PLXNB2: variants seen among roughly 807,000 people sequenced by gnomAD.
The protein encoded by PLXNB2 is plexin-B2.
In PLXNB2, 85 loss-of-function variants were observed where a neutral mutation model predicts 202.6. The ratio of observed to expected loss-of-function variants is 0.42; its 90% CI spans 0.35 to 0.50. PLXNB2 has a LOEUF of 0.50. PLXNB2 is among the 20% of genes least tolerant of loss of function. The pLI, the probability that PLXNB2 is intolerant of heterozygous loss-of-function variation, is 0.02. For missense variants in PLXNB2, 2,063 were observed against 2,586.2 expected, an observed-to-expected ratio of 0.80 and a Z score of 4.39; for synonymous variants, 1,239 against 1,137.6, an observed-to-expected ratio of 1.09 and a Z score of -1.79.
chr22:50,284,777 C>A lies in PLXNB2; in HGVS notation c.2089-112G>T, dbSNP rs2066296637. The A allele has an allele frequency of 1.2e-6, 1 of 830,530 alleles. No individual in the cohort carries two copies. The highest frequency in any genetic ancestry group is 2.4e-5 in the East Asian group (1 of 41,044). The allele number at this position is 830,530 out of a possible 1,614,324, so 51.4% of individuals were successfully genotyped here. ...CTACAGTGTGGGAGCCCTCTCCTCACCCCACACATGCCCGCCCCTCAGATT... is the reference window on the plus strand; with the variant it reads ...CTACAGTGTGGGAGCCCTCTCCTCAACCCACACATGCCCGCCCCTCAGATT... On this transcript the variant is annotated intron_variant, in intron 11 of 36. Transcript: ENST00000359337. This position sits in a 1 kb window ranked among gnomAD's most constrained non-coding sequence, Gnocchi z 8.0.
chr22:50,299,217 G>C (rs1030136720), intron 1 of PLXNB2, among the ~76,000 whole-genome samples: 2 of 152,030 alleles, frequency 1.3e-5, no homozygotes, highest in Non-Finnish European at 2.9e-5. Context: ...CTAGGACATG[G>C]GCGGTGGAGA....
chr22:50,290,201 G>A lies in PLXNB2; in HGVS notation c.384C>T (p.Ile128=). The change falls in exon 3 of 37, where the codon ATC becomes ATT. Residue 128 remains isoleucine, a synonymous_variant. Coordinates refer to ENST00000359337, the MANE Select transcript of PLXNB2 (RefSeq NM_012401.4). The part of the protein sequence containing the change: ...GICALRALSN[I]SLRLFYEDGS... ...CGTCCTCGTAGAACAGGCGGAGGGAGATGTTGCTCAGGGCGCGCAGAGCGC... is the reference window on the plus strand; with the variant it reads ...CGTCCTCGTAGAACAGGCGGAGGGAAATGTTGCTCAGGGCGCGCAGAGCGC... The A allele has an allele frequency of 1.2e-6, 2 of 1,612,604 alleles. No individual in the cohort carries two copies. Among genetic ancestry groups the A allele is most frequent in the Non-Finnish European group, 8.5e-7 (1 of 1,180,012 alleles).
rs1208296247 is a variant in PLXNB2, at chr22:50,282,684, AGGGG to A, written c.2987+23_2987+26del. On this transcript the variant is annotated intron_variant, in intron 18 of 36. Coordinates refer to ENST00000359337, the MANE Select transcript of PLXNB2 (RefSeq NM_012401.4). Reference sequence around the variant, plus strand: ...GGAGGCAGCTGGGTGTGGGGAGCAGAGGGGGGCGGGGGGACACCAGCCTCACCTG... The same window carrying A: ...GGAGGCAGCTGGGTGTGGGGAGCAGAGGCGGGGGGACACCAGCCTCACCTG... The A allele has an allele frequency of 2.6e-6, 4 of 1,524,534 alleles. No individual in the cohort carries two copies. In the Admixed American group the frequency reaches 7.2e-5, roughly 28 times the overall value. 94.4% of individuals were successfully genotyped at this position (1,524,534 alleles called of 1,614,324 possible).
intron 2 of PLXNB2, among the ~76,000 whole-genome samples, chr22:50,292,089 G>A (rs1018588203): frequency 6.6e-6 from 1 of 152,172 alleles, no homozygotes; most frequent in Non-Finnish European, 1.5e-5. Context: ...TGTAATCCCA[G>A]CACCTTGGGA....
Position 50,281,911 on chromosome 22 carries a change from G to C in PLXNB2, c.3288C>G (p.Thr1096=), listed in dbSNP as rs2066021500. The stretch of plus-strand genomic sequence containing the variant: ...TGACGCCACCTGTGAAGTTCTCAAA[G>C]GTGGGGTCAGGCACGTACTCGAAGG... ...AGAFEYVPDP[T]FENFTGGVKK... is the part of the protein sequence containing the mutation. Residue 1096 remains threonine, a synonymous_variant, in exon 20 of 37, where the codon ACC becomes ACG. Coordinates refer to ENST00000359337, the MANE Select transcript of PLXNB2 (RefSeq NM_012401.4). The C allele has an allele frequency of 6.2e-7, 1 of 1,613,018 alleles. No homozygotes were observed. Among genetic ancestry groups the C allele is most frequent in the Non-Finnish European group, 8.5e-7 (1 of 1,180,016 alleles).
chr22:50,283,104 T>G lies in PLXNB2; in HGVS notation c.2762A>C (p.Asp921Ala). The change falls in exon 17 of 37, where the codon GAC (aspartate) becomes GCC (alanine). Residue 921 changes from aspartate (D) to alanine (A), a missense_variant. Coordinates refer to ENST00000359337, the MANE Select transcript of PLXNB2 (RefSeq NM_012401.4). ...CCGCACGTCCTCCTGGGAGCCCGTG[T>G]CCAGGTGGGTGCCGTGGATGGTCAG... Reference protein sequence around the residue: ...TTLTIHGTHLDTGSQEDVRVT... With the variant: ...TTLTIHGTHLATGSQEDVRVT... The G allele has an allele frequency of 6.2e-7, 1 of 1,605,808 alleles. No homozygotes were observed. Among genetic ancestry groups the G allele is most frequent in the Non-Finnish European group, 8.5e-7 (1 of 1,176,938 alleles).
Position 50,287,248 on chromosome 22 carries a change from C to A in PLXNB2, c.1625G>T (p.Ser542Ile). Reference sequence around the variant, plus strand: ...CTCCTCGCTCAGGGCAGGGAGGGGGCTGACGGTCAGCTGCACCTGAGGGAG... The same window carrying A: ...CTCCTCGCTCAGGGCAGGGAGGGGGATGACGGTCAGCTGCACCTGAGGGAG... ...RAQGEVQLTV[S>I]PLPALSEEDE... is the part of the protein sequence containing the mutation. Residue 542 changes from serine to isoleucine, a missense_variant, in exon 8 of 37, where the codon AGC becomes ATC. Ser to Ile is a moderately radical substitution (Grantham distance 142). Transcript: ENST00000359337. The A allele has an allele frequency of 6.5e-7, 1 of 1,528,022 alleles. No homozygotes were observed. The highest frequency in any genetic ancestry group is 2.1e-5 in the Admixed American group (1 of 48,222). 94.7% of individuals were successfully genotyped at this position (1,528,022 alleles called of 1,614,324 possible).
chr22:50,292,745 C>T (rs1005887869), intron 2 of PLXNB2, among the ~76,000 whole-genome samples: 5 of 152,176 alleles, frequency 3.3e-5, no homozygotes, highest in South Asian at 4.1e-4. Context: ...GGCAACCCCC[C>T]GTTCTGATTG....
chr22:50,290,141 A>G lies in PLXNB2; in HGVS notation c.444T>C (p.Asp148=), dbSNP rs750875953. ...CCAGCCCCACTGTGGCCACGCCCTCATCATTGCTGGCCACGAAAGACTTCT... is the reference window on the plus strand; with the variant it reads ...CCAGCCCCACTGTGGCCACGCCCTCGTCATTGCTGGCCACGAAAGACTTCT... ...SGEKSFVASN[D]EGVATVGLVS... is the part of the protein sequence containing the mutation. The change falls in exon 3 of 37, where the codon GAT becomes GAC. Residue 148 remains aspartate, a synonymous_variant. Transcript: ENST00000359337. 1 of 1,613,018 alleles carries G rather than the reference A, an allele frequency of 6.2e-7. No individual in the cohort carries two copies. The highest frequency in any genetic ancestry group is 1.1e-5 in the South Asian group (1 of 91,084).
At chr22:50,307,008 T>C (rs1161543665) in intron 1 of PLXNB2, among the ~76,000 whole-genome samples, 2 of 151,916 alleles carry the variant, frequency 1.3e-5, no homozygotes, top group African/African-American at 4.8e-5. Flanking sequence ...TTCTGAGACT[T>C]TCTGTGTCTC....
chr22:50,286,184 C>T lies in PLXNB2; in HGVS notation c.1866G>A (p.Glu622=). The T allele has an allele frequency of 6.2e-7, 1 of 1,613,014 alleles. No individual in the cohort carries two copies. Among genetic ancestry groups the T allele is most frequent in the South Asian group, 1.1e-5 (1 of 91,084 alleles). ...CACAAGACACTCACGGCAGGTTCTC[C>T]TCCAGGCTCATGGCCTGGCGGCAGT... ...FYDCRQAMSL[E]ENLPCISCVS... Residue 622 remains glutamate, a synonymous_variant, in exon 9 of 37, where the codon GAG becomes GAA. Transcript: ENST00000359337.
At chr22:50,276,290 G>A (rs1339799224) in intron 35 of PLXNB2, among the ~76,000 whole-genome samples, 20 of 144,110 alleles carry the variant, frequency 1.4e-4, no homozygotes, top group African/African-American at 1.8e-4. Context: ...CCGCAGGGAG[G>A]GGGCGCTGTG....
chr22:50,280,457 G>A (rs749807921), intron 25 of PLXNB2, 32 bp downstream of exon 25: 72 of 1,569,372 alleles, frequency 4.6e-5, no homozygotes, highest in South Asian at 1.9e-4. Context: ...CGCCCCGCCC[G>A]TGGCCCCGCT....
At position 50,281,441 on chromosome 22, in the gene PLXNB2, C is replaced by T; in HGVS notation, c.3581G>A (p.Ser1194Asn). 1 of 1,612,506 alleles carries T rather than the reference C, an allele frequency of 6.2e-7. No homozygotes were observed. Among genetic ancestry groups the T allele is most frequent in the East Asian group, 2.2e-5 (1 of 44,858 alleles). ...CAAGATGAGGCTGAGCGGCACGTCGCTCACCCGTGTGTCGTACTCCACGCG... is the reference window on the plus strand; with the variant it reads ...CAAGATGAGGCTGAGCGGCACGTCGTTCACCCGTGTGTCGTACTCCACGCG... ...LGRVEYDTRV[S>N]DVPLSLILPL... The change falls in exon 22 of 37, where the codon AGC (serine) becomes AAC (asparagine). Residue 1194 changes from serine (S) to asparagine (N), a missense_variant. Around this residue, in one of 2 missense-constraint regions of PLXNB2, gnomAD observed 760 missense variants for 1,109.4 expected, o/e 0.69. Coordinates refer to ENST00000359337, the MANE Select transcript of PLXNB2 (RefSeq NM_012401.4).
chr22:50,300,827 C>G (rs907456528), intron 1 of PLXNB2, among the ~76,000 whole-genome samples: 11 of 152,178 alleles, frequency 7.2e-5, no homozygotes, highest in Admixed American at 5.9e-4. Context: ...CATGAAGCCC[C>G]AGCTCCTCCT....
chr22:50,277,779 G>A (rs752702628), intron 32 of PLXNB2, 41 bp from the exon 33 acceptor site: 43 of 1,596,866 alleles, frequency 2.7e-5, no homozygotes, highest in Middle Eastern at 3.3e-4. Context: ...GGGCTGGGCC[G>A]CGGGGTGGGT....
chr22:50,304,458 G>A (rs2067814583), intron 1 of PLXNB2, among the ~76,000 whole-genome samples: 1 of 152,200 alleles, frequency 6.6e-6, no homozygotes, highest in African/African-American at 2.4e-5. Context: ...CTGTGGCTGG[G>A]GGAGCCCAGA....
intron 33 of PLXNB2, 33 bp from the exon 34 acceptor site, chr22:50,276,939 A>G (rs1208986924): frequency 1.3e-6 from 2 of 1,533,094 alleles, no homozygotes; most frequent in Non-Finnish European, 1.8e-6. Context: ...ATGCCTGGCC[A>G]AGGGGGCCAG....
At chr22:50,305,213 G>C (rs955335705) in intron 1 of PLXNB2, among the ~76,000 whole-genome samples, 2 of 152,196 alleles carry the variant, frequency 1.3e-5, no homozygotes, top group African/African-American at 4.8e-5. Flanking sequence ...CGGTGAGCAC[G>C]GACGACGTCC....
Sources: gnomAD v4.1 joint callset for allele counts (sites outside exome capture counted in the v4.1 genomes callset) on GRCh38, gnomAD v4.1.1 for gene constraint, gnomAD v4.1.1 regional missense constraint, Gnocchi (gnomAD v3.1) non-coding constraint, MANE v1.5 for transcripts, NCBI Gene and HGNC (gene_info 2026-07-23, HGNC 2026-07-21) for gene names.